APP: variants seen among roughly 807,000 people sequenced by gnomAD.
The protein encoded by APP is amyloid beta precursor protein.
APP carries 31 observed loss-of-function variants against 101.4 expected under a neutral mutation model. The ratio of observed to expected loss-of-function variants is 0.31; its 90% CI spans 0.23 to 0.41. The LOEUF is 0.41. Ranked by LOEUF, APP falls within the 10% of genes least tolerant of loss-of-function variation. APP has a pLI of 1.00. For synonymous variants in APP, 366 were observed against 364.4 expected (o/e 1.00, Z -0.05); for missense variants, 839 against 1,003.7 (o/e 0.84, Z 2.22).
At chr21:25,974,950 G>C (rs2146571086) in intron 11 of APP, 120 bp downstream of exon 11, 1 of 1,443,676 alleles carries the variant, frequency 6.9e-7, no homozygotes, top group East Asian at 2.5e-5. Flanking sequence ...TTGAACCTCT[G>C]AATAACAGTG....
intron 9 of APP, among the ~76,000 whole-genome samples, chr21:25,976,541 G>C (rs1210714614): frequency 6.6e-6 from 1 of 152,192 alleles, no homozygotes; most frequent in Non-Finnish European, 1.5e-5. Flanking sequence ...GACTTCTGCT[G>C]TCTAATATCC....
intron 13 of APP, among the ~76,000 whole-genome samples, chr21:25,950,046 G>A (rs1453550613): frequency 6.6e-6 from 1 of 152,212 alleles, no homozygotes; most frequent in Non-Finnish European, 1.5e-5. Context: ...CACTTCCAGT[G>A]GGTGTGCACA....
intron 8 of APP, among the ~76,000 whole-genome samples, chr21:25,984,406 G>A (rs932626229): frequency 2.0e-5 from 3 of 152,028 alleles, no homozygotes; most frequent in Non-Finnish European, 4.4e-5. Flanking sequence ...AAAATGTTAG[G>A]TGTAGCCCAC....
intron 16 of APP, among the ~76,000 whole-genome samples, chr21:25,894,751 G>C (rs1448374139): frequency 6.6e-6 from 1 of 152,212 alleles, no homozygotes; most frequent in Admixed American, 6.5e-5. Flanking sequence ...GACAACAAAG[G>C]ATTTAGGATA....
intron 5 of APP, among the ~76,000 whole-genome samples, chr21:26,036,210 A>T (rs2045101652): frequency 6.6e-6 from 1 of 151,260 alleles, no homozygotes; most frequent in Non-Finnish European, 1.5e-5. Flanking sequence ...TTAATGGATG[A>T]AATGTCAAAA....
chr21:25,946,864 T>C (rs2146455805), intron 13 of APP, among the ~76,000 whole-genome samples: 1 of 152,210 alleles, frequency 6.6e-6, no homozygotes, highest in Non-Finnish European at 1.5e-5. Flanking sequence ...CAGCGTCCAT[T>C]TGGAGCACAA....
chr21:25,937,489 A>G (rs542265069), intron 13 of APP, among the ~76,000 whole-genome samples: 5 of 152,226 alleles, frequency 3.3e-5, no homozygotes, highest in Non-Finnish European at 7.3e-5. Flanking sequence ...CATCATTTAC[A>G]ATGCTGACAA....
chr21:26,114,055 C>G (rs906216385), intron 1 of APP, among the ~76,000 whole-genome samples: 1 of 151,904 alleles, frequency 6.6e-6, no homozygotes, highest in Non-Finnish European at 1.5e-5. Flanking sequence ...CCAAAGATTT[C>G]CAGTCTTGGC....
chr21:26,134,208 A>G (rs1363527457), intron 1 of APP, among the ~76,000 whole-genome samples: 1 of 151,978 alleles, frequency 6.6e-6, no homozygotes, highest in Non-Finnish European at 1.5e-5. Flanking sequence ...GGAATACTGC[A>G]TGCCAATAAT....
intron 16 of APP, 114 bp from the exon 17 acceptor site, chr21:25,891,982 G>T: frequency 2.7e-6 from 3 of 1,122,260 alleles, no homozygotes; most frequent in Non-Finnish European, 3.8e-6. Context: ...TTTGGATGAG[G>T]TTATATAAAA....
chr21:26,170,563 C>A lies in APP; in HGVS notation c.57+1G>T. ...CCCGCCTTCCGAGGCGCGGCACCCA[C>A]CTCCAGCGCCCGAGCCGTCCAGGCG... On this transcript the variant is annotated splice_donor_variant, in intron 1 of 17. Coordinates refer to ENST00000346798, the MANE Select transcript of APP (RefSeq NM_000484.4). LOFTEE classifies it high-confidence loss of function. 1 of 1,538,100 alleles carries A rather than the reference C, an allele frequency of 6.5e-7. No homozygotes were observed. Among genetic ancestry groups the A allele is most frequent in the East Asian group, 2.4e-5 (1 of 40,894 alleles).
chr21:25,900,817 G>A (rs1164853272), intron 15 of APP, among the ~76,000 whole-genome samples: 2 of 151,132 alleles, frequency 1.3e-5, no homozygotes, highest in African/African-American at 2.4e-5. Flanking sequence ...GTGAAACCCC[G>A]TCTCTACTAA....
In APP at chr21:26,051,666, G is replaced by A. The variant is rs532077089; in HGVS notation, c.469-473C>T. On this transcript the variant is annotated intron_variant, in intron 4 of 17. Transcript: ENST00000346798. ...CTGACTCTCTTGGTTCACTTTCAGAGTAACAATCCTGGGAAGAGAAGAAAT... is the reference window on the plus strand; with the variant it reads ...CTGACTCTCTTGGTTCACTTTCAGAATAACAATCCTGGGAAGAGAAGAAAT... Among the ~76,000 whole-genome samples, 8 of 152,268 alleles carry A rather than the reference G, an allele frequency of 5.3e-5. No homozygotes were observed. In the South Asian group the frequency reaches 1.5e-3, roughly 28 times the overall value.
At chr21:26,014,958 T>C (rs921272746) in intron 6 of APP, among the ~76,000 whole-genome samples, 2 of 152,232 alleles carry the variant, frequency 1.3e-5, no homozygotes, top group African/African-American at 4.8e-5. Flanking sequence ...AATAAAACTC[T>C]ATCTTGAAAT....
intron 17 of APP, among the ~76,000 whole-genome samples, chr21:25,882,923 T>G (rs1006125365): frequency 6.6e-6 from 1 of 152,010 alleles, no homozygotes; most frequent in Non-Finnish European, 1.5e-5. Context: ...ATTCCTCCCT[T>G]ATGCAGCTTT....
chr21:25,954,041 G>C (rs2041205822), intron 13 of APP, among the ~76,000 whole-genome samples: 1 of 152,116 alleles, frequency 6.6e-6, no homozygotes. Context: ...AACACTCATG[G>C]CTTCCCTGCT....
chr21:25,909,037 G>A (rs1203133988), intron 14 of APP, among the ~76,000 whole-genome samples: 1 of 152,138 alleles, frequency 6.6e-6, no homozygotes, highest in Non-Finnish European at 1.5e-5. Context: ...GCTGAGGCGG[G>A]CGGATCACGA....
intron 5 of APP, among the ~76,000 whole-genome samples, chr21:26,047,536 G>C (rs911000408): frequency 6.6e-6 from 1 of 152,064 alleles, no homozygotes; most frequent in Admixed American, 6.5e-5. Context: ...CCGCCTGCAG[G>C]GCTACAGGAA....
At chr21:26,064,993 AC>A (rs1414425694) in intron 3 of APP, among the ~76,000 whole-genome samples, 3 of 152,228 alleles carry the variant, frequency 2.0e-5, no homozygotes, top group Non-Finnish European at 4.4e-5. Context: ...AGCTGGGACT[AC>A]AGGCCTGCGC....
Sources: gnomAD v4.1 joint callset for allele counts (sites outside exome capture counted in the v4.1 genomes callset) on GRCh38, gnomAD v4.1.1 for gene constraint, MANE v1.5 for transcripts, NCBI Gene and HGNC (gene_info 2026-07-23, HGNC 2026-07-21) for gene names.